SEMA6D: variants seen among roughly 807,000 people sequenced by gnomAD.
SEMA6D encodes the protein semaphorin 6D.
SEMA6D carries 35 observed loss-of-function variants against 106.6 expected under a neutral mutation model. The ratio of observed to expected loss-of-function variants is 0.33; its 90% CI spans 0.25 to 0.44. The LOEUF (loss-of-function observed/expected upper bound fraction) is 0.44, where lower values mean the gene tolerates loss of function less well. Among genes scored for constraint, SEMA6D ranks in the 20% least tolerant of loss-of-function variants. SEMA6D has a pLI of 1.00. For missense variants in SEMA6D, 1,185 were observed against 1,345.9 expected, an observed-to-expected ratio of 0.88 and a Z score of 1.87; for synonymous variants, 499 against 487.7, an observed-to-expected ratio of 1.02 and a Z score of -0.31.
chr15:47,456,723 A>G (rs925268230), intron 2 of SEMA6D, among the ~76,000 whole-genome samples: 1 of 152,042 alleles, frequency 6.6e-6, no homozygotes, highest in African/African-American at 2.4e-5. Context: ...CAAATGAGGT[A>G]ATCACTGAGA....
At chr15:47,370,710 A>T (rs1684930) in intron 1 of SEMA6D, among the ~76,000 whole-genome samples, 89,450 of 138,118 alleles carry the variant, frequency 0.65, 30,125 homozygotes, top group Non-Finnish European at 0.72. Flanking sequence ...AAAAAAAAAA[A>T]TTTGATGGGT....
At chr15:47,427,074 T>C (rs2041364806) in intron 2 of SEMA6D, among the ~76,000 whole-genome samples, 2 of 152,152 alleles carry the variant, frequency 1.3e-5, no homozygotes, top group Non-Finnish European at 2.9e-5. Flanking sequence ...CATTTTCTTT[T>C]GTGATTGTAT....
upstream of SEMA6D, among the ~76,000 whole-genome samples, chr15:47,713,089 C>T (rs1490631273): frequency 6.6e-6 from 1 of 152,078 alleles, no homozygotes; most frequent in Non-Finnish European, 1.5e-5. Context: ...TTTTTTAAAG[C>T]CTTATTCTTA....
intron 1 of SEMA6D, among the ~76,000 whole-genome samples, chr15:47,295,768 G>C (rs2035779973): frequency 6.6e-6 from 1 of 152,158 alleles, no homozygotes; most frequent in African/African-American, 2.4e-5. Flanking sequence ...CATATAGTTG[G>C]CCCCACAGTT....
chr15:47,679,191 T>A (rs1452004991), intron 4 of SEMA6D, among the ~76,000 whole-genome samples: 2 of 152,230 alleles, frequency 1.3e-5, no homozygotes, highest in Non-Finnish European at 2.9e-5. Flanking sequence ...ATAAATTCAG[T>A]TGACATGAGA....
intron 3 of SEMA6D, among the ~76,000 whole-genome samples, chr15:47,586,888 GT>G (rs35584206): frequency 1.5e-3 from 183 of 122,828 alleles, no homozygotes; most frequent in African/African-American, 5.3e-3. Context: ...AATTTGACAG[GT>G]TTTTTTTTTT....
chr15:47,535,069 C>CAAAAAA (rs796493775), intron 3 of SEMA6D, among the ~76,000 whole-genome samples: 2 of 93,272 alleles, frequency 2.1e-5, no homozygotes, highest in Non-Finnish European at 5.0e-5. Context: ...AAGAATGTGA[C>CAAAAAA]AAAAAAAAAA....
intron 2 of SEMA6D, among the ~76,000 whole-genome samples, chr15:47,457,600 A>G (rs566497699): frequency 4.5e-4 from 68 of 152,126 alleles, no homozygotes; most frequent in Non-Finnish European, 7.4e-4. Flanking sequence ...TAGACACTAC[A>G]TAAGAAAAGG....
At chr15:47,549,620 C>T (rs2045623156) in intron 3 of SEMA6D, among the ~76,000 whole-genome samples, 1 of 151,766 alleles carries the variant, frequency 6.6e-6, no homozygotes, top group Non-Finnish European at 1.5e-5. Flanking sequence ...CACATTTTCA[C>T]CATGGGTTTT....
chr15:47,700,555 A>C (rs1474028849), intron 4 of SEMA6D, among the ~76,000 whole-genome samples: 1 of 152,098 alleles, frequency 6.6e-6, no homozygotes, highest in Non-Finnish European at 1.5e-5. Flanking sequence ...AATAAATAAT[A>C]AGTAAATAAA....
At chr15:47,765,714 A>G in intron 13 of SEMA6D, 155 bp from the exon 14 acceptor site, 1 of 681,092 alleles carries the variant, frequency 1.5e-6, no homozygotes, top group Non-Finnish European at 2.1e-6. Context: ...AGAGAAGTAG[A>G]AGATGAATCA....
At chr15:47,478,903 G>A (rs2043072541) in intron 3 of SEMA6D, among the ~76,000 whole-genome samples, 1 of 152,142 alleles carries the variant, frequency 6.6e-6, no homozygotes, top group South Asian at 2.1e-4. Context: ...GCAGGCAAGA[G>A]AGAGTGTGCA....
At chr15:47,487,794 C>T (rs531839928) in intron 3 of SEMA6D, among the ~76,000 whole-genome samples, 17 of 152,284 alleles carry the variant, frequency 1.1e-4, no homozygotes, top group African/African-American at 4.1e-4. Flanking sequence ...AAGTATTTCC[C>T]TGGTGTTGTT....
chr15:47,569,461 G>T (rs1369363310), intron 3 of SEMA6D, among the ~76,000 whole-genome samples: 1 of 152,100 alleles, frequency 6.6e-6, no homozygotes. Context: ...AGGTCATTCC[G>T]TGGATCCTGA....
In SEMA6D at chr15:47,712,502, T is replaced by C. The variant is rs188903948; in HGVS notation, c.-54-47243T>C. ...GAGCTGTGGTGAGAATTAATACTATTGTATCTGGCCAGGATCTGGGATGAA... is the reference window on the plus strand; with the variant it reads ...GAGCTGTGGTGAGAATTAATACTATCGTATCTGGCCAGGATCTGGGATGAA... On this transcript the variant is annotated intron_variant, in intron 4 of 19. Transcript: ENST00000558014. Among the ~76,000 whole-genome samples the C allele has an allele frequency of 4.2e-3, 644 of 152,304 alleles. 16 individuals carry two copies. Among genetic ancestry groups the C allele is most frequent in the Non-Finnish European group, 1.3e-3 (86 of 68,028 alleles).
chr15:47,314,868 T>C (rs1428133691), intron 1 of SEMA6D, among the ~76,000 whole-genome samples: 1 of 45,554 alleles, frequency 2.2e-5, no homozygotes, highest in Non-Finnish European at 6.6e-5. Flanking sequence ...TTTTTTTTTT[T>C]TTTTTTTTTT....
At chr15:47,514,305 C>T (rs1207725126) in intron 3 of SEMA6D, among the ~76,000 whole-genome samples, 2 of 152,208 alleles carry the variant, frequency 1.3e-5, no homozygotes, top group Admixed American at 1.3e-4. Flanking sequence ...TGTGCATTCA[C>T]TCCCTGGGTG....
At chr15:47,629,736 A>G (rs1401966168) in intron 4 of SEMA6D, among the ~76,000 whole-genome samples, 1 of 151,738 alleles carries the variant, frequency 6.6e-6, no homozygotes, top group Non-Finnish European at 1.5e-5. Flanking sequence ...GGTATCTATT[A>G]TTCTGTTCTT....
At chr15:47,260,220 C>T (rs920117011) in intron 1 of SEMA6D, among the ~76,000 whole-genome samples, 1 of 152,098 alleles carries the variant, frequency 6.6e-6, no homozygotes, top group East Asian at 1.9e-4. Flanking sequence ...TGCCTTTTCT[C>T]ATTCAAGTTG....
Sources: gnomAD v4.1 joint callset for allele counts (sites outside exome capture counted in the v4.1 genomes callset) on GRCh38, gnomAD v4.1.1 for gene constraint, MANE v1.5 for transcripts, NCBI Gene and HGNC (gene_info 2026-07-23, HGNC 2026-07-21) for gene names.